The following CDC42BPA variants were observed in gnomAD, a reference collection of about 807,000 sequenced individuals.
CDC42BPA encodes CDC42 binding protein kinase alpha, also known as serine/threonine-protein kinase MRCK alpha.
A neutral mutation model predicts 223.5 loss-of-function variants in CDC42BPA; 80 were observed. The observed-to-expected ratio is 0.36, with a 90% confidence interval of 0.30 to 0.43. The LOEUF is 0.43. Ranked by LOEUF, CDC42BPA falls within the 20% of genes least tolerant of loss-of-function variation. The probability of loss-of-function intolerance (pLI) is 1.00; values close to 1 mark genes in which losing one functional copy is unlikely to be tolerated. For synonymous variants in CDC42BPA, 694 were observed against 718.6 expected (o/e 0.97, Z 0.55); for missense variants, 1,743 against 2,099.9 (o/e 0.83, Z 3.32).
intron 1 of CDC42BPA, among the ~76,000 whole-genome samples, chr1:227,257,133 G>A (rs1474463203): frequency 6.6e-6 from 1 of 152,030 alleles, no homozygotes; most frequent in Non-Finnish European, 1.5e-5. Flanking sequence ...TCTAGAATAG[G>A]CAAATTCATA....
At chr1:227,267,887 C>T (rs547705018) in intron 1 of CDC42BPA, among the ~76,000 whole-genome samples, 5 of 152,156 alleles carry the variant, frequency 3.3e-5, no homozygotes, top group East Asian at 1.9e-4. Flanking sequence ...AAATGAGATT[C>T]GGGTGGGGAC....
intron 2 of CDC42BPA, among the ~76,000 whole-genome samples, chr1:227,253,011 T>C (rs1001667544): frequency 6.6e-6 from 1 of 152,220 alleles, no homozygotes; most frequent in Non-Finnish European, 1.5e-5. Context: ...AGGTCTTCTA[T>C]ACTGAATGAA....
At chr1:227,196,413 C>T (rs1282786563) in intron 4 of CDC42BPA, among the ~76,000 whole-genome samples, 2 of 142,964 alleles carry the variant, frequency 1.4e-5, no homozygotes, top group Admixed American at 1.4e-4. Context: ...GACCTCAGCT[C>T]ACTGCAAGCT....
chr1:227,260,958 T>C (rs1683931817), intron 1 of CDC42BPA, among the ~76,000 whole-genome samples: 1 of 150,992 alleles, frequency 6.6e-6, no homozygotes, highest in African/African-American at 2.5e-5. Flanking sequence ...TCTGTAATAC[T>C]GTGACTATAC....
At chr1:227,199,767 T>G (rs1671396775) in intron 3 of CDC42BPA, 115 bp from the exon 4 acceptor site, 1 of 508,172 alleles carries the variant, frequency 2.0e-6, no homozygotes, top group African/African-American at 2.0e-5. Context: ...ACACCTGATA[T>G]TATAAGACAT....
intron 15 of CDC42BPA, among the ~76,000 whole-genome samples, chr1:227,094,744 T>C (rs1683684882): frequency 1.3e-5 from 2 of 152,228 alleles, no homozygotes; most frequent in East Asian, 1.9e-4. Flanking sequence ...TATTCAGGTG[T>C]AGTTTTTCAC....
At chr1:227,237,438 C>CA (rs887693121) in intron 2 of CDC42BPA, among the ~76,000 whole-genome samples, 13 of 151,776 alleles carry the variant, frequency 8.6e-5, no homozygotes, top group African/African-American at 2.7e-4. Context: ...CTCTGTTTAA[C>CA]AAAAAAAAGA....
At chr1:227,022,356 C>G (rs1667533037) in intron 32 of CDC42BPA, among the ~76,000 whole-genome samples, 1 of 151,980 alleles carries the variant, frequency 6.6e-6, no homozygotes, top group African/African-American at 2.4e-5. Context: ...TCACTTGAAC[C>G]CAGGAGAAGG....
At chr1:227,179,531 G>A (rs527348883) in intron 5 of CDC42BPA, among the ~76,000 whole-genome samples, 4 of 150,410 alleles carry the variant, frequency 2.7e-5, no homozygotes, top group Middle Eastern at 3.4e-3. Flanking sequence ...AGCTACTCAG[G>A]AGGCTGAGGC....
intron 1 of CDC42BPA, among the ~76,000 whole-genome samples, chr1:227,277,494 A>G (rs1274770897): frequency 6.6e-6 from 1 of 152,238 alleles, no homozygotes; most frequent in Non-Finnish European, 1.5e-5. Context: ...AATCCAAAAA[A>G]TATCCTAATC....
chr1:227,310,516 C>G (rs138158121), intron 1 of CDC42BPA, among the ~76,000 whole-genome samples: 2,269 of 152,172 alleles, frequency 0.015, 27 homozygotes, highest in South Asian at 0.024. Context: ...TAAAGAAACA[C>G]TAGCCAATAG....
chr1:227,017,411 C>CT (rs1370117445), intron 32 of CDC42BPA, among the ~76,000 whole-genome samples: 1 of 152,102 alleles, frequency 6.6e-6, no homozygotes, highest in Non-Finnish European at 1.5e-5. Context: ...ATTTCAATGG[C>CT]TTAGGGTGTT....
chr1:227,044,629 TAC>T (rs958409600), intron 23 of CDC42BPA, among the ~76,000 whole-genome samples: 4 of 152,170 alleles, frequency 2.6e-5, no homozygotes, highest in Non-Finnish European at 4.4e-5. Context: ...AAGCCTATAC[TAC>T]AGTTTTTTGA....
chr1:227,289,154 CCA>C (rs1689288430), intron 1 of CDC42BPA, among the ~76,000 whole-genome samples: 1 of 152,182 alleles, frequency 6.6e-6, no homozygotes, highest in Non-Finnish European at 1.5e-5. Context: ...CACATGACAA[CCA>C]CAGTTACCCT....
chr1:227,205,791 G>A (rs138501534), intron 3 of CDC42BPA, among the ~76,000 whole-genome samples: 184 of 152,264 alleles, frequency 1.2e-3, no homozygotes, highest in African/African-American at 3.9e-3. Flanking sequence ...GCTCACACCT[G>A]TAATCCCAGC....
chr1:227,003,656 A>G (rs909167332), intron 35 of CDC42BPA, among the ~76,000 whole-genome samples: 2 of 152,190 alleles, frequency 1.3e-5, no homozygotes, highest in Admixed American at 6.5e-5. Context: ...TCAGGCAGAC[A>G]ATATCTTTTT....
chr1:227,105,564 G>A (rs1685777991), intron 14 of CDC42BPA, among the ~76,000 whole-genome samples: 1 of 151,886 alleles, frequency 6.6e-6, no homozygotes, highest in Admixed American at 6.6e-5. Context: ...CTGTTGCCCA[G>A]GCTGGTTTTG....
At chr1:227,221,564 A>T (rs1675906625) in intron 2 of CDC42BPA, among the ~76,000 whole-genome samples, 1 of 74,390 alleles carries the variant, frequency 1.3e-5, no homozygotes, top group African/African-American at 5.3e-5. Context: ...CCCCTGGCCT[A>T]GTTCAAGACC....
chr1:226,995,272 A>T (rs1370550574), intron 35 of CDC42BPA, among the ~76,000 whole-genome samples: 1 of 152,054 alleles, frequency 6.6e-6, no homozygotes, highest in Admixed American at 6.5e-5. Flanking sequence ...AGAATCCCTC[A>T]AGTCTCCACC....
Sources: allele counts gnomAD v4.1 joint callset (sites outside exome capture counted in the v4.1 genomes callset), GRCh38; gene constraint gnomAD v4.1.1; transcripts MANE v1.5; gene names NCBI Gene and HGNC (gene_info 2026-07-23, HGNC 2026-07-21).